Variants in ZNHIT6 observed in about 807,000 individuals in gnomAD.
ZNHIT6 encodes zinc finger HIT-type containing 6, also known as box C/D snoRNA protein 1.
Under a neutral mutation model 57.2 loss-of-function variants are expected in ZNHIT6, and 45 were observed. The ratio of observed to expected loss-of-function variants is 0.79; its 90% CI spans 0.62 to 1.01. The LOEUF (loss-of-function observed/expected upper bound fraction) is 1.01, where lower values mean the gene tolerates loss of function less well. Ranked by LOEUF, ZNHIT6 falls within the 50% of genes least tolerant of loss-of-function variation. ZNHIT6 has a pLI of 0.00. For synonymous variants in ZNHIT6, 188 were observed against 190.0 expected (o/e 0.99, Z 0.09); for missense variants, 528 against 567.3 (o/e 0.93, Z 0.70).
At chr1:85,685,060 T>C (rs1661989344) in intron 5 of ZNHIT6, among the ~76,000 whole-genome samples, 1 of 152,216 alleles carries the variant, frequency 6.6e-6, no homozygotes, top group Non-Finnish European at 1.5e-5. Context: ...GGCAAAAGTG[T>C]GGCAACTTCA....
chr1:85,653,110 A>G lies in ZNHIT6; in HGVS notation c.*948T>C, dbSNP rs963706257. Reference sequence around the variant, plus strand: ...TGAGAGTGGGCTAGGAATGTGATGAAAGGCACAGAATTCATAAGACTTGAG... The same window carrying G: ...TGAGAGTGGGCTAGGAATGTGATGAGAGGCACAGAATTCATAAGACTTGAG... On this transcript the variant is annotated 3_prime_UTR_variant, in exon 10 of 10. Transcript: ENST00000370574. 6.6e-6 allele frequency: 1 copy of G among 152,200 alleles called. No homozygotes were observed. The highest frequency in any genetic ancestry group is 6.5e-5 in the Admixed American group (1 of 15,274). 9.4% of individuals were successfully genotyped at this position (152,200 alleles called of 1,614,324 possible).
intron 8 of ZNHIT6, 109 bp downstream of exon 8, chr1:85,677,127 T>A: frequency 1.4e-6 from 1 of 729,012 alleles, no homozygotes; most frequent in South Asian, 3.2e-5. Flanking sequence ...AAAGTAAAAG[T>A]CATGTTCATA....
intron 8 of ZNHIT6, among the ~76,000 whole-genome samples, chr1:85,673,377 C>T (rs1440224768): frequency 6.6e-6 from 1 of 152,184 alleles, no homozygotes; most frequent in Non-Finnish European, 1.5e-5. Flanking sequence ...ATTAGACATA[C>T]ATTCTAGGAT....
intron 5 of ZNHIT6, among the ~76,000 whole-genome samples, chr1:85,681,977 CT>C (rs527944363): frequency 0.056 from 7,814 of 139,708 alleles, 732 homozygotes; most frequent in African/African-American, 0.19. Flanking sequence ...ACAAGGCTGA[CT>C]TTTTTTTTTT....
chr1:85,693,914 T>C (rs988632193), intron 5 of ZNHIT6, among the ~76,000 whole-genome samples: 38 of 151,564 alleles, frequency 2.5e-4, no homozygotes, highest in African/African-American at 8.0e-4. Flanking sequence ...AGGCCAGGAG[T>C]TCAAGACTAG....
intron 5 of ZNHIT6, among the ~76,000 whole-genome samples, chr1:85,684,982 T>A (rs1277402023): frequency 6.6e-6 from 1 of 152,136 alleles, no homozygotes; most frequent in East Asian, 1.9e-4. Context: ...AATGTATATA[T>A]AAATAAAATA....
rs1370517448 is a variant in ZNHIT6 at position 85,650,456 on chromosome 1, T to C, written c.*3602A>G. On this transcript the variant is annotated 3_prime_UTR_variant, in exon 10 of 10. Coordinates refer to ENST00000370574, the MANE Select transcript of ZNHIT6 (RefSeq NM_017953.4). ...CTGGACTTCCCTGTATATAAGCCAA[T>C]GAACTGCCCTTCATGCTGACACTAT... 1 of 152,272 alleles carries C rather than the reference T, an allele frequency of 6.6e-6. No individual in the cohort carries two copies. The highest frequency in any genetic ancestry group is 6.5e-5 in the Admixed American group (1 of 15,280). The allele number at this position is 152,272 out of a possible 1,614,324, so 9.4% of individuals were successfully genotyped here.
At chr1:85,663,544 T>C (rs1468629768) in intron 8 of ZNHIT6, among the ~76,000 whole-genome samples, 1 of 152,238 alleles carries the variant, frequency 6.6e-6, no homozygotes, top group Non-Finnish European at 1.5e-5. Flanking sequence ...GTGTCTACTA[T>C]GCACAGGTAG....
At chr1:85,687,310 A>AAAAAAAAAAAAAAAC (rs1557861254) in intron 5 of ZNHIT6, among the ~76,000 whole-genome samples, 1 of 143,588 alleles carries the variant, frequency 7.0e-6, no homozygotes, top group African/African-American at 2.5e-5. Flanking sequence ...AAAAAAAAAA[A>AAAAAAAAAAAAAAAC]ACAATTTAGA....
chr1:85,665,314 A>C (rs1661340123), intron 8 of ZNHIT6, among the ~76,000 whole-genome samples: 1 of 149,566 alleles, frequency 6.7e-6, no homozygotes. Flanking sequence ...TTGTAGAGAC[A>C]GGGTCTCCCT....
intron 5 of ZNHIT6, among the ~76,000 whole-genome samples, chr1:85,695,472 T>C (rs967527605): frequency 1.3e-5 from 2 of 152,178 alleles, no homozygotes; most frequent in South Asian, 2.1e-4. Context: ...AAATGAGATA[T>C]AGAGTTAAAG....
intron 8 of ZNHIT6, among the ~76,000 whole-genome samples, chr1:85,670,808 A>C (rs530009443): frequency 3.9e-5 from 6 of 152,302 alleles, no homozygotes; most frequent in Admixed American, 6.5e-5. Context: ...TCAATTACAC[A>C]AGGTAAGGTG....
At chr1:85,682,786 C>T (rs962053870) in intron 5 of ZNHIT6, among the ~76,000 whole-genome samples, 2 of 152,208 alleles carry the variant, frequency 1.3e-5, no homozygotes, top group South Asian at 2.1e-4. Context: ...TCAGATTTAA[C>T]TCATTTACAA....
At chr1:85,706,539 C>A in intron 1 of ZNHIT6, 32 bp from the exon 2 acceptor site, 1 of 1,499,672 alleles carries the variant, frequency 6.7e-7, no homozygotes, top group Non-Finnish European at 8.9e-7. Context: ...ATTAAATTAT[C>A]AAATATTAAT....
chr1:85,707,782 A>G lies in ZNHIT6; in HGVS notation c.503T>C (p.Val168Ala). 6.2e-7 allele frequency: 1 copy of G among 1,614,110 alleles called. No homozygotes were observed. The highest frequency in any genetic ancestry group is 8.5e-7 in the Non-Finnish European group (1 of 1,180,008). Residue 168 changes from valine (V) to alanine (A), a missense_variant, in exon 1 of 10, where the codon GTT becomes GCT. Coordinates refer to ENST00000370574, the MANE Select transcript of ZNHIT6 (RefSeq NM_017953.4). The part of the protein sequence containing the change: ...NLEIKQEEKF[V>A]GQCIKEELMH... ...CAATTCCTCTTTTATGCATTGACCA[A>G]CAAACTTCTCCTCCTGTTTTATCTC...
At chr1:85,696,149 C>T (rs192884385) in intron 5 of ZNHIT6, among the ~76,000 whole-genome samples, 28 of 151,058 alleles carry the variant, frequency 1.9e-4, no homozygotes, top group African/African-American at 6.8e-4. Context: ...GATTCAGATC[C>T]AAATAATCGC....
At chr1:85,679,745 C>T (rs1661816408) in intron 6 of ZNHIT6, among the ~76,000 whole-genome samples, 2 of 151,850 alleles carry the variant, frequency 1.3e-5, no homozygotes, top group African/African-American at 4.8e-5. Flanking sequence ...CCACTTCCCC[C>T]AGCTAATTTT....
At chr1:85,694,548 G>A (rs1383248563) in intron 5 of ZNHIT6, among the ~76,000 whole-genome samples, 2 of 151,508 alleles carry the variant, frequency 1.3e-5, no homozygotes, top group African/African-American at 2.4e-5. Context: ...TGCAAGCTCC[G>A]CCTCCCAGGT....
intron 8 of ZNHIT6, among the ~76,000 whole-genome samples, chr1:85,675,610 T>G (rs1661677432): frequency 6.6e-6 from 1 of 152,178 alleles, no homozygotes; most frequent in Non-Finnish European, 1.5e-5. Flanking sequence ...CATTAGCCCC[T>G]AACAAGAGGG....
Sources: gnomAD v4.1 joint callset for allele counts (sites outside exome capture counted in the v4.1 genomes callset) on GRCh38, gnomAD v4.1.1 for gene constraint, MANE v1.5 for transcripts, NCBI Gene and HGNC (gene_info 2026-07-23, HGNC 2026-07-21) for gene names.